Variants in FXR1 observed in about 807,000 individuals in gnomAD.
The protein encoded by FXR1 is FMR1 autosomal homolog 1.
FXR1 carries 15 observed loss-of-function variants against 84.0 expected under a neutral mutation model. The observed-to-expected ratio is 0.18, with a 90% CI of 0.12 to 0.27. FXR1 has a LOEUF of 0.27. Ranked by LOEUF, FXR1 falls within the 10% of genes least tolerant of loss-of-function variation. The pLI, the probability that FXR1 is intolerant of heterozygous loss-of-function variation, is 1.00. For missense variants in FXR1, 480 were observed against 774.4 expected, an observed-to-expected ratio of 0.62 and a Z score of 4.51; for synonymous variants, 245 against 250.7, an observed-to-expected ratio of 0.98 and a Z score of 0.21.
intron 11 of FXR1, 23 bp from the exon 12 acceptor site, chr3:180,962,860 A>G (rs1366073063): frequency 5.9e-6 from 9 of 1,519,588 alleles, no homozygotes; most frequent in African/African-American, 1.4e-5. Flanking sequence ...AAGAAGACTT[A>G]CTCTTTTTTG....
At chr3:180,964,673 TTATATATATA>T (rs10600370) in intron 13 of FXR1, among the ~76,000 whole-genome samples, 4 of 136,354 alleles carry the variant, frequency 2.9e-5, no homozygotes, top group African/African-American at 8.7e-5. Flanking sequence ...TGTAGTTGAT[TTATATATATA>T]TATATATATA....
chr3:180,938,148 CT>C (rs1429349581), intron 3 of FXR1, among the ~76,000 whole-genome samples: 1 of 152,082 alleles, frequency 6.6e-6, no homozygotes, highest in African/African-American at 2.4e-5. Context: ...AGATTTTTTG[CT>C]GTTAGCAAAA....
Position 180,961,528 on chromosome 3 carries a change from C to T in FXR1, c.1051C>T (p.Leu351=), listed in dbSNP as rs376660925. The change falls in exon 11 of 17, where the codon CTA becomes TTA. Residue 351 remains leucine (L), a synonymous_variant. Coordinates refer to ENST00000357559, the MANE Select transcript of FXR1 (RefSeq NM_005087.4). ...AAGCATTGGAAATGTGCAGGTTCTT[C>T]TAGAGTATCATATTGCCTATCTAAA... ...KESIGNVQVL[L]EYHIAYLKEV... 6.5e-7 allele frequency: 1 copy of T among 1,536,422 alleles called. No individual in the cohort carries two copies. Among genetic ancestry groups the T allele is most frequent in the African/African-American group, 1.4e-5 (1 of 73,056 alleles).
intron 1 of FXR1, among the ~76,000 whole-genome samples, chr3:180,926,506 A>ATATTTTTTTT (rs72192827): frequency 7.2e-5 from 9 of 124,366 alleles, no homozygotes; most frequent in African/African-American, 1.5e-4. Flanking sequence ...ATATATATAT[A>ATATTTTTTTT]TTTTTTTTTC....
chr3:180,974,590 ACTT>A (rs1713991297), intron 15 of FXR1, among the ~76,000 whole-genome samples: 1 of 152,168 alleles, frequency 6.6e-6, no homozygotes, highest in Non-Finnish European at 1.5e-5. Context: ...CACTACTGCC[ACTT>A]CTTTGCAAAT....
chr3:180,944,254 A>G (rs1342613316), intron 3 of FXR1, among the ~76,000 whole-genome samples: 2 of 152,024 alleles, frequency 1.3e-5, no homozygotes, highest in African/African-American at 4.8e-5. Flanking sequence ...TTGGGAAAAC[A>G]GTCATCACTG....
At chr3:180,928,868 G>T (rs1239454106) in intron 1 of FXR1, among the ~76,000 whole-genome samples, 1 of 151,388 alleles carries the variant, frequency 6.6e-6, no homozygotes. Flanking sequence ...ACTGCTCAAG[G>T]ATTCCTTCTA....
At chr3:180,927,846 C>T (rs566982301) in intron 1 of FXR1, 2 of 404,616 alleles carry the variant, frequency 4.9e-6, no homozygotes, top group Admixed American at 4.3e-5. Flanking sequence ...TCCATCGATA[C>T]CTTTTCCATC....
At chr3:180,950,956 T>C (rs1245316042) in intron 7 of FXR1, among the ~76,000 whole-genome samples, 2 of 152,106 alleles carry the variant, frequency 1.3e-5, no homozygotes, top group Non-Finnish European at 1.5e-5. Flanking sequence ...CTCATGCCTA[T>C]AATCCCAGCA....
intron 1 of FXR1, among the ~76,000 whole-genome samples, chr3:180,923,122 T>C (rs547632335): frequency 1.3e-5 from 2 of 152,340 alleles, no homozygotes; most frequent in East Asian, 3.9e-4. Flanking sequence ...CATATTTGTA[T>C]GTATAGGCAG....
At chr3:180,960,811 T>A (rs534636464) in intron 10 of FXR1, among the ~76,000 whole-genome samples, 1 of 152,230 alleles carries the variant, frequency 6.6e-6, no homozygotes, top group Non-Finnish European at 1.5e-5. Flanking sequence ...CTTGGAAAAT[T>A]AAATTAATTA....
At chr3:180,960,987 T>C (rs921024471) in intron 10 of FXR1, among the ~76,000 whole-genome samples, 1 of 152,138 alleles carries the variant, frequency 6.6e-6, no homozygotes, top group African/African-American at 2.4e-5. Flanking sequence ...TCCTTAAATC[T>C]TGAAGTTTAG....
chr3:180,966,272 A>G (rs1428008683), intron 13 of FXR1, among the ~76,000 whole-genome samples: 1 of 152,216 alleles, frequency 6.6e-6, no homozygotes, highest in Non-Finnish European at 1.5e-5. Context: ...TATTCTTTGA[A>G]AAATACACAT....
chr3:180,915,912 T>C (rs1436180303), intron 1 of FXR1, among the ~76,000 whole-genome samples: 1 of 152,208 alleles, frequency 6.6e-6, no homozygotes. Context: ...GCTAAATACA[T>C]TGTTCTGCAT....
intron 10 of FXR1, among the ~76,000 whole-genome samples, chr3:180,958,273 G>A (rs993706047): frequency 6.6e-6 from 1 of 152,040 alleles, no homozygotes; most frequent in Non-Finnish European, 1.5e-5. Flanking sequence ...GGTATAGGTG[G>A]TTTTTGGTTA....
chr3:180,981,700 A>C lies in FXR1; in HGVS notation c.*5408A>C, dbSNP rs1241296653. The C allele has an allele frequency of 6.6e-6, 1 of 152,114 alleles. No individual in the cohort carries two copies. Among genetic ancestry groups the C allele is most frequent in the Non-Finnish European group, 1.5e-5 (1 of 67,962 alleles). The allele number at this position is 152,114 out of a possible 1,614,324, so 9.4% of individuals were successfully genotyped here. A position where few individuals can be genotyped will look rare whatever the true frequency, so the allele number is the denominator to read the frequency against. The stretch of plus-strand genomic sequence containing the variant: ...ACACCAAGGACCTAATTTTAGTTTC[A>C]CTAGCCGTGGGACCTTAGAAAAAAG... On this transcript the variant is annotated 3_prime_UTR_variant, in exon 17 of 17. Coordinates refer to ENST00000357559, the MANE Select transcript of FXR1 (RefSeq NM_005087.4).
chr3:180,947,494 A>C (rs1038483659), intron 3 of FXR1, among the ~76,000 whole-genome samples: 1 of 152,224 alleles, frequency 6.6e-6, no homozygotes, highest in Admixed American at 6.5e-5. Flanking sequence ...GGAATTTAAA[A>C]ATTACGTTAA....
Position 180,977,040 on chromosome 3 carries a change from CAT to C in FXR1, c.*749_*750del, listed in dbSNP as rs1165636462. On this transcript the variant is annotated 3_prime_UTR_variant, in exon 17 of 17. Coordinates refer to ENST00000357559, the MANE Select transcript of FXR1 (RefSeq NM_005087.4). ...CAGAAGGTTTATTCTGTATAAACTA[CAT>C]GTTAGTCTTCAGTAGAGTATCTTTT... is the stretch of plus-strand genomic sequence containing the variant. The C allele has an allele frequency of 3.3e-5, 5 of 151,460 alleles. No individual in the cohort carries two copies. The highest frequency in any genetic ancestry group is 2.1e-4 in the South Asian group (1 of 4,802). 9.4% of individuals were successfully genotyped at this position (151,460 alleles called of 1,614,324 possible).
chr3:180,971,793 CTG>C (rs929240604), intron 15 of FXR1: 19 of 152,620 alleles, frequency 1.2e-4, no homozygotes, highest in African/African-American at 4.6e-4. Context: ...AACTTGTTTG[CTG>C]TGTCTATTAT....
Sources: gnomAD v4.1 joint callset for allele counts (sites outside exome capture counted in the v4.1 genomes callset) on GRCh38, gnomAD v4.1.1 for gene constraint, MANE v1.5 for transcripts, NCBI Gene and HGNC (gene_info 2026-07-23, HGNC 2026-07-21) for gene names.